ACTR3C: variants seen among roughly 807,000 people sequenced by gnomAD.
ACTR3C encodes the protein actin-related protein 3C.
Under a neutral mutation model 26.3 loss-of-function variants are expected in ACTR3C, and 18 were observed. That is an observed-to-expected ratio of 0.68 (90% confidence interval 0.47 to 1.01). The LOEUF (loss-of-function observed/expected upper bound fraction) is 1.01, where lower values mean the gene tolerates loss of function less well. ACTR3C is among the 50% of genes least tolerant of loss of function. The pLI, the probability that ACTR3C is intolerant of heterozygous loss-of-function variation, is 0.00. For synonymous variants in ACTR3C, 55 were observed against 94.5 expected, an observed-to-expected ratio of 0.58 and a Z score of 2.42; for missense variants, 184 against 250.7, an observed-to-expected ratio of 0.73 and a Z score of 1.80.
intron 6 of ACTR3C, among the ~76,000 whole-genome samples, chr7:150,266,044 T>C (rs1834011891): frequency 6.8e-6 from 1 of 147,474 alleles, no homozygotes; most frequent in Non-Finnish European, 1.5e-5. Flanking sequence ...TTTATTAATA[T>C]TCTTTAAGGC....
the ACTR3C span, among the ~76,000 whole-genome samples, chr7:150,019,042 C>T: frequency 2.7e-5 from 4 of 150,096 alleles, no homozygotes; most frequent in Admixed American, 2.6e-4. Context: ...CATTGTGGTG[C>T]TAAAATTTCT....
At chr7:150,083,869 C>G in the ACTR3C span, among the ~76,000 whole-genome samples, 1 of 152,158 alleles carries the variant, frequency 6.6e-6, no homozygotes, top group Non-Finnish European at 1.5e-5. Context: ...GAAAGGGAAA[C>G]ACTTGTGCAC....
At chr7:150,064,644 TCACATA>T in the ACTR3C span, among the ~76,000 whole-genome samples, 19 of 99,476 alleles carry the variant, frequency 1.9e-4, no homozygotes, top group Admixed American at 1.1e-3. Context: ...TTGTTTATTT[TCACATA>T]CACACACACA....
the ACTR3C span, among the ~76,000 whole-genome samples, chr7:150,227,708 T>G: frequency 6.8e-5 from 10 of 146,382 alleles, 2 homozygotes; most frequent in Admixed American, 2.0e-4. Flanking sequence ...TTTGTTTTTT[T>G]TTTTTGGTAT....
At chr7:150,258,202 G>A (rs2129609797) in intron 6 of ACTR3C, among the ~76,000 whole-genome samples, 1 of 149,582 alleles carries the variant, frequency 6.7e-6, no homozygotes, top group Non-Finnish European at 1.5e-5. Flanking sequence ...CCAGACCTCA[G>A]CCAAATTTTC....
chr7:150,280,478 CAG>C (rs1835226694), intron 6 of ACTR3C, among the ~76,000 whole-genome samples: 1 of 152,146 alleles, frequency 6.6e-6, no homozygotes, highest in South Asian at 2.1e-4. Context: ...CTCACAGAAG[CAG>C]AGAGTGGAAT....
At chr7:149,911,039 A>G in the ACTR3C span, among the ~76,000 whole-genome samples, 1 of 152,038 alleles carries the variant, frequency 6.6e-6, no homozygotes, top group Non-Finnish European at 1.5e-5. Flanking sequence ...AACAGAGTAC[A>G]AGGCCAAGTG....
At chr7:150,275,896 C>T (rs1834836893) in intron 6 of ACTR3C, among the ~76,000 whole-genome samples, 1 of 152,148 alleles carries the variant, frequency 6.6e-6, no homozygotes, top group Non-Finnish European at 1.5e-5. Flanking sequence ...CCTTCAACCC[C>T]GTCTCACGGC....
chr7:150,138,428 G>A, the ACTR3C span, among the ~76,000 whole-genome samples: 1 of 152,176 alleles, frequency 6.6e-6, no homozygotes, highest in Non-Finnish European at 1.5e-5. Flanking sequence ...ATAGGCCATT[G>A]GAGCACAAAG....
At chr7:149,884,506 TTTG>T in the ACTR3C span, among the ~76,000 whole-genome samples, 1 of 152,154 alleles carries the variant, frequency 6.6e-6, no homozygotes, top group African/African-American at 2.4e-5. Flanking sequence ...AGGTAATGCA[TTTG>T]TTATTAGCTC....
chr7:150,039,763 G>A, the ACTR3C span, among the ~76,000 whole-genome samples: 1 of 141,138 alleles, frequency 7.1e-6, no homozygotes, highest in African/African-American at 2.8e-5. Flanking sequence ...CCTGCGATGG[G>A]GGTCCCCAGA....
the ACTR3C span, among the ~76,000 whole-genome samples, chr7:150,070,560 C>T: frequency 1.3e-5 from 2 of 152,062 alleles, no homozygotes; most frequent in Admixed American, 1.3e-4. Flanking sequence ...GAGTGATCCT[C>T]CCACTGCAAT....
At chr7:150,034,886 T>TGCCTCGCGGGGGGGTGCCTCCCCC in the ACTR3C span, among the ~76,000 whole-genome samples, 2 of 130,204 alleles carry the variant, frequency 1.5e-5, no homozygotes, top group Admixed American at 7.6e-5. Context: ...TCTCAGTCCC[T>TGCCTCGCGGGGGGGTGCCTCCCCC]ACCTCGCGGG....
the ACTR3C span, among the ~76,000 whole-genome samples, chr7:150,113,417 A>G: frequency 1.3e-5 from 2 of 150,114 alleles, no homozygotes; most frequent in Non-Finnish European, 3.0e-5. Flanking sequence ...GACTACACAA[A>G]CCATGCATTC....
At chr7:150,238,474 G>T in the ACTR3C span, among the ~76,000 whole-genome samples, 2 of 129,854 alleles carry the variant, frequency 1.5e-5, no homozygotes, top group Non-Finnish European at 3.1e-5. Context: ...CAAGAGTCTA[G>T]ATTCTGGATA....
the ACTR3C span, among the ~76,000 whole-genome samples, chr7:150,036,768 C>A: frequency 7.2e-6 from 1 of 138,040 alleles, no homozygotes; most frequent in Non-Finnish European, 1.7e-5. Context: ...TATCTGCCGT[C>A]GGAAGATTTG....
downstream of ACTR3C, chr7:150,246,010 C>G (rs1338632360): frequency 6.6e-6 from 1 of 152,180 alleles, no homozygotes; most frequent in Non-Finnish European, 1.5e-5. Flanking sequence ...AACAGTTATG[C>G]AGAGAAAAAT....
At chr7:150,244,502 T>C (rs1254792692), downstream of ACTR3C, 1 of 152,004 alleles carries the variant, frequency 6.6e-6, no homozygotes, top group Non-Finnish European at 1.5e-5. Context: ...AATAATTGAT[T>C]AGTTCCTGTT....
chr7:150,232,282 TTAAA>T, the ACTR3C span, among the ~76,000 whole-genome samples: 1 of 152,238 alleles, frequency 6.6e-6, no homozygotes, highest in Non-Finnish European at 1.5e-5. Flanking sequence ...TTCCTGTAGA[TTAAA>T]TATAGTTGGA....
Sources: allele counts gnomAD v4.1 joint callset (sites outside exome capture counted in the v4.1 genomes callset), GRCh38; gene constraint gnomAD v4.1.1; transcripts MANE v1.5; gene names NCBI Gene and HGNC (gene_info 2026-07-23, HGNC 2026-07-21).